The following RPS6KA3 variants were observed in gnomAD, a reference collection of about 807,000 sequenced individuals.
RPS6KA3 encodes ribosomal protein S6 kinase A3.
Under a neutral mutation model 67.2 loss-of-function variants are expected in RPS6KA3, and 4 were observed. The ratio of observed to expected loss-of-function variants is 0.06; its 90% CI spans 0.03 to 0.14. RPS6KA3 has a LOEUF of 0.14. RPS6KA3 is among the 10% of genes least tolerant of loss of function. The probability of loss-of-function intolerance (pLI) is 1.00; values close to 1 mark genes in which losing one functional copy is unlikely to be tolerated. For synonymous variants in RPS6KA3, 182 were observed against 183.7 expected, an observed-to-expected ratio of 0.99 and a Z score of 0.07; for missense variants, 204 against 559.0, an observed-to-expected ratio of 0.36 and a Z score of 6.40.
chrX:20,227,098 C>T (rs2069141717), intron 2 of RPS6KA3, among the ~76,000 whole-genome samples: 1 of 111,419 alleles, frequency 9.0e-6, no homozygotes, highest in South Asian at 3.8e-4. Context: ...AGTGAATTTT[C>T]AATACCCAAG....
chrX:20,177,194 G>T, intron 10 of RPS6KA3, 110 bp from the exon 11 acceptor site: 1 of 557,577 alleles, frequency 1.8e-6, no homozygotes, highest in Non-Finnish European at 3.1e-6. Context: ...ACACTCAGTT[G>T]TAAGAAATAA....
intron 3 of RPS6KA3, among the ~76,000 whole-genome samples, chrX:20,207,086 T>G (rs1212817747): frequency 2.7e-5 from 3 of 111,964 alleles, no homozygotes; most frequent in South Asian, 3.7e-4. Context: ...ATGCTGGCTA[T>G]CATGTAAATA....
chrX:20,199,841 A>C (rs1195676447), intron 4 of RPS6KA3, among the ~76,000 whole-genome samples: 1 of 112,404 alleles, frequency 8.9e-6, no homozygotes, highest in African/African-American at 3.2e-5. Flanking sequence ...AACACAGGAA[A>C]CTAGAAGACA....
Position 20,152,268 on chromosome X carries a change from C to T in RPS6KA3, c.*3130G>A, listed in dbSNP as rs1198727992. On this transcript the variant is annotated 3_prime_UTR_variant, in exon 22 of 22. Transcript: ENST00000379565. ...GGGGTCTGTTGCATTAGAAATAAGA[C>T]ACCTCTATAAACCAGAAAAAGCTGA... is the stretch of plus-strand genomic sequence containing the variant. 1 of 111,763 alleles carries T rather than the reference C, an allele frequency of 8.9e-6. No individual in the cohort carries two copies. Among genetic ancestry groups the T allele is most frequent in the Non-Finnish European group, 1.9e-5 (1 of 53,098 alleles). 9.2% of individuals were successfully genotyped at this position (111,763 alleles called of 1,213,427 possible). A position where few individuals can be genotyped will look rare whatever the true frequency, so the allele number is the denominator to read the frequency against.
chrX:20,175,048 C>T, intron 14 of RPS6KA3, 116 bp downstream of exon 14: 1 of 763,590 alleles, frequency 1.3e-6, no homozygotes, highest in East Asian at 3.3e-5. Context: ...GCCACTATGC[C>T]CAGTCTAAAA....
At position 20,150,828 on chromosome X, in the gene RPS6KA3, T is replaced by G. The variant is rs1272626944; in HGVS notation, c.*4570A>C. ...GTACCTCTGAACTTAAATCTCTACA[T>G]TTTCCTTTCCACTAATCTCTATTCA... On this transcript the variant is annotated 3_prime_UTR_variant, in exon 22 of 22. Coordinates refer to ENST00000379565, the MANE Select transcript of RPS6KA3 (RefSeq NM_004586.3). 8.9e-6 allele frequency: 1 copy of G among 112,418 alleles called. No homozygotes were observed. Among genetic ancestry groups the G allele is most frequent in the Non-Finnish European group, 1.9e-5 (1 of 53,234 alleles). The allele number at this position is 112,418 out of a possible 1,213,427, so 9.3% of individuals were successfully genotyped here. A position where few individuals can be genotyped will look rare whatever the true frequency, so the allele number is the denominator to read the frequency against.
chrX:20,246,756 T>C (rs1460260299), intron 1 of RPS6KA3, among the ~76,000 whole-genome samples: 2 of 112,134 alleles, frequency 1.8e-5, no homozygotes, highest in African/African-American at 6.5e-5. Context: ...TAAACATATA[T>C]ATTCTTACAA....
intron 7 of RPS6KA3, among the ~76,000 whole-genome samples, chrX:20,190,745 C>T (rs932754793): frequency 1.8e-5 from 2 of 110,842 alleles, no homozygotes; most frequent in Non-Finnish European, 3.8e-5. Context: ...TGAAACTTAT[C>T]CAAAAACAAT....
At chrX:20,176,942 T>C in intron 11 of RPS6KA3, 54 bp downstream of exon 11, 2 of 920,798 alleles carry the variant, frequency 2.2e-6, no homozygotes, top group Non-Finnish European at 3.2e-6. Context: ...TACTCCCCGC[T>C]AAAAACAAAC....
chrX:20,186,076 A>G lies in RPS6KA3; in HGVS notation c.845+220T>C, dbSNP rs147927090. 5.4e-3 allele frequency among the ~76,000 whole-genome samples: 603 copies of G among 111,154 alleles called. 3 individuals carry two copies. The highest frequency in any genetic ancestry group is 8.6e-3 in the Non-Finnish European group (457 of 52,939). The stretch of plus-strand genomic sequence containing the variant: ...CACCTCAGCCTCCTGAGTACTGCTG[A>G]GACTACAGGTGTGTACCACCATGCC... On this transcript the variant is annotated intron_variant, in intron 10 of 21. Transcript: ENST00000379565.
At chrX:20,189,162 T>C (rs2068061718) in intron 7 of RPS6KA3, among the ~76,000 whole-genome samples, 3 of 111,320 alleles carry the variant, frequency 2.7e-5, no homozygotes, top group Admixed American at 9.6e-5. Context: ...ACAATCCTCT[T>C]CTCCTTCCCC....
At chrX:20,232,569 C>T (rs1369033582) in intron 2 of RPS6KA3, among the ~76,000 whole-genome samples, 2 of 110,785 alleles carry the variant, frequency 1.8e-5, no homozygotes, top group Non-Finnish European at 3.8e-5. Context: ...AAGACTCCGT[C>T]TCAAAAAACA....
chrX:20,169,507 T>G lies in RPS6KA3; in HGVS notation c.1354-16A>C. On this transcript the variant is annotated splice_polypyrimidine_tract_variant and intron_variant, in intron 15 of 21. Coordinates refer to ENST00000379565, the MANE Select transcript of RPS6KA3 (RefSeq NM_004586.3). ...TATCAATAATCTAAAAGGCAAATGT[T>G]TATCACAAAACCTCATCAACTATAC... is the stretch of plus-strand genomic sequence containing the variant. 1 of 1,000,496 alleles carries G rather than the reference T, an allele frequency of 1.0e-6. No individual in the cohort carries two copies. The highest frequency in any genetic ancestry group is 1.4e-6 in the Non-Finnish European group (1 of 703,163). 82.5% of individuals were successfully genotyped at this position (1,000,496 alleles called of 1,213,427 possible).
chrX:20,253,549 A>C (rs2069945956), intron 1 of RPS6KA3, among the ~76,000 whole-genome samples: 1 of 110,476 alleles, frequency 9.1e-6, no homozygotes, highest in Non-Finnish European at 1.9e-5. Context: ...CTTGTTTGTT[A>C]TGTCTACAGT....
chrX:20,227,150 C>T (rs1237759384), intron 2 of RPS6KA3, among the ~76,000 whole-genome samples: 3 of 111,568 alleles, frequency 2.7e-5, no homozygotes, highest in Admixed American at 9.5e-5. Context: ...CCTCTTCCCC[C>T]AATCCTGTTC....
chrX:20,266,550 C>T lies in RPS6KA3; in HGVS notation c.69+14G>A, dbSNP rs900309775. 2.4e-5 allele frequency: 27 copies of T among 1,144,373 alleles called. No individual in the cohort carries two copies. Among genetic ancestry groups the T allele is most frequent in the Non-Finnish European group, 2.9e-5 (25 of 860,529 alleles). 94.3% of individuals were successfully genotyped at this position (1,144,373 alleles called of 1,213,427 possible). A position where few individuals can be genotyped will look rare whatever the true frequency, so the allele number is the denominator to read the frequency against. On this transcript the variant is annotated intron_variant, in intron 1 of 21. Transcript: ENST00000379565. ...GAGGAGATGCGCCGGCCCCGGCCGC[C>T]CTGCTGCACTCACCTCAGCGCTGTC...
chrX:20,239,053 G>T (rs1040518950), intron 1 of RPS6KA3, among the ~76,000 whole-genome samples: 2 of 111,264 alleles, frequency 1.8e-5, no homozygotes, highest in African/African-American at 6.5e-5. Flanking sequence ...AAACAAGTGG[G>T]AAAAAATGTG....
chrX:20,182,943 T>C (rs1176928846), intron 10 of RPS6KA3, among the ~76,000 whole-genome samples: 1 of 111,759 alleles, frequency 8.9e-6, no homozygotes, highest in Admixed American at 9.5e-5. Context: ...AGAATGCTCC[T>C]GTCAATCTTT....
rs1235738141 is a variant in RPS6KA3 at position 20,214,329 on chromosome X, T to C, written c.127-4925A>G. Among the ~76,000 whole-genome samples, 2 of 112,468 alleles carry C rather than the reference T, an allele frequency of 1.8e-5. 1 individual carries two copies. The highest frequency in any genetic ancestry group is 3.8e-5 in the Non-Finnish European group (2 of 53,318). On this transcript the variant is annotated intron_variant, in intron 2 of 21. Transcript: ENST00000379565. ...CCTTGTAACTTCCAAAGAAAGGTGA[T>C]GTGGAAGAAAACTTTCTGAACCTCA...
Sources: allele counts gnomAD v4.1 joint callset (sites outside exome capture counted in the v4.1 genomes callset), GRCh38; gene constraint gnomAD v4.1.1; transcripts MANE v1.5; gene names NCBI Gene and HGNC (gene_info 2026-07-23, HGNC 2026-07-21).